The following CHD4 variants were observed in gnomAD, a reference collection of about 807,000 sequenced individuals.
The protein encoded by CHD4 is chromodomain helicase DNA binding protein 4.
Under a neutral mutation model 235.5 loss-of-function variants are expected in CHD4, and 35 were observed. The observed-to-expected ratio is 0.15, with a 90% CI of 0.11 to 0.20. CHD4 has a LOEUF of 0.20. CHD4 is among the 10% of genes least tolerant of loss of function. The pLI is 1.00. For synonymous variants in CHD4, 900 were observed against 850.2 expected, an observed-to-expected ratio of 1.06 and a Z score of -1.02; for missense variants, 1,329 against 2,432.3, an observed-to-expected ratio of 0.55 and a Z score of 9.54.
intron 12 of CHD4, 137 bp downstream of exon 12, chr12:6,597,755 ACT>A (rs774529722): frequency 1.2e-4 from 86 of 743,474 alleles, no homozygotes; most frequent in South Asian, 1.9e-4. Flanking sequence ...ACAGAGTGAG[ACT>A]CTGTCTCAAA....
Position 6,606,400 on chromosome 12 carries a change from G to A in CHD4, c.-27C>T, listed in dbSNP as rs71584860. 4,808 of 1,526,224 alleles carry A rather than the reference G, an allele frequency of 3.2e-3. 33 individuals are homozygous for A. Among genetic ancestry groups the A allele is most frequent in the Middle Eastern group, 0.031 (176 of 5,620 alleles). The allele number at this position is 1,526,224 out of a possible 1,614,324, so 94.5% of individuals were successfully genotyped here. ...CCCTTCCGCTCCCGGCCAGGGAATT[G>A]GCCCAGCTGCTCCTGCCGGCGGCCT... On this transcript the variant is annotated 5_prime_UTR_variant, in exon 2 of 40. Transcript: ENST00000544040.
intron 33 of CHD4, chr12:6,580,704 G>GAAGAAAAAAAAAAAA (rs1948166345): frequency 2.3e-5 from 1 of 43,314 alleles, no homozygotes; most frequent in Admixed American, 2.7e-4. Flanking sequence ...AAACTCCTTT[G>GAAGAAAAAAAAAAAA]AAAAAAAAAA....
intron 37 of CHD4, among the ~76,000 whole-genome samples, chr12:6,577,417 C>CAAAA (rs60910415): frequency 4.0e-4 from 35 of 87,138 alleles, no homozygotes; most frequent in East Asian, 1.2e-3. Flanking sequence ...GATTCTGCCT[C>CAAAA]AAAAAAAAAA....
intron 38 of CHD4, among the ~76,000 whole-genome samples, chr12:6,572,427 G>GAAAA (rs553252360): frequency 1.0e-5 from 1 of 97,614 alleles, no homozygotes; most frequent in Non-Finnish European, 2.1e-5. Context: ...CTCTATCTCA[G>GAAAA]AAAAAAAAAA....
Position 6,600,217 on chromosome 12 carries a change from G to A in CHD4, c.1242C>T (p.Cys414=), listed in dbSNP as rs761570351. ...APEGKWSCPH[C]EKEGIQWEAK... ...GGGGCCACAATGGCCAGACACTCAC[G>A]CAGTGTGGGCAGCTCCACTTGCCCT... The change falls in exon 9 of 40, where the codon TGC becomes TGT. Residue 414 remains cysteine (C), a splice_region_variant and synonymous_variant. Transcript: ENST00000544040. The A allele has an allele frequency of 9.3e-6, 15 of 1,613,868 alleles. No individual in the cohort carries two copies. The highest frequency in any genetic ancestry group is 8.9e-5 in the East Asian group (4 of 44,868).
chr12:6,600,054 G>A (rs1405173772), intron 9 of CHD4, 42 bp from the exon 10 acceptor site: 18 of 754,030 alleles, frequency 2.4e-5, no homozygotes, highest in East Asian at 5.1e-5. Context: ...ACCCCCACCC[G>A]CCCACCGCAG....
chr12:6,582,893 A>T lies in CHD4; in HGVS notation c.4191T>A (p.Asp1397Glu). The T allele has an allele frequency of 1.9e-6, 3 of 1,614,066 alleles. No homozygotes were observed. The highest frequency in any genetic ancestry group is 2.5e-6 in the Non-Finnish European group (3 of 1,180,038). The change falls in exon 28 of 40, where the codon GAT becomes GAA. Residue 1397 changes from aspartate to glutamate, a missense_variant. Physicochemically the swap from Asp to Glu is conservative, Grantham distance 45 (BLOSUM62 2). This residue lies in a region of CHD4 where 46 missense variants were observed against 85.6 expected (regional missense o/e 0.54). Transcript: ENST00000544040. ...PSRKGLRNDK[D>E]KPLPPLLARV... ...GGGCCAACAGAGGAGGCAATGGCTT[A>T]TCTTTATCATTCCGCAGGCCCTTAC...
intron 37 of CHD4, among the ~76,000 whole-genome samples, chr12:6,574,282 T>C (rs1948031323): frequency 6.6e-6 from 1 of 152,146 alleles, no homozygotes; most frequent in Admixed American, 6.6e-5. Context: ...GCACATGAAT[T>C]TTGTTGCTTC....
chr12:6,602,197 A>G lies in CHD4; in HGVS notation c.223-22T>C, dbSNP rs748666271. On this transcript the variant is annotated intron_variant, in intron 3 of 39. Coordinates refer to ENST00000544040, the MANE Select transcript of CHD4 (RefSeq NM_001273.5). ...TACGCTGGAGCAGGGCAAGGGGGGA[A>G]GAGGGAGACAGACACACACATGCTA... 3 of 1,612,316 alleles carry G rather than the reference A, an allele frequency of 1.9e-6. No individual in the cohort carries two copies. In the East Asian group the frequency reaches 6.7e-5, roughly 36 times the overall value.
Position 6,582,237 on chromosome 12 carries a change from G to T in CHD4, c.4415C>A (p.Ala1472Glu). 6.2e-7 allele frequency: 1 copy of T among 1,600,310 alleles called. No individual in the cohort carries two copies. The highest frequency in any genetic ancestry group is 2.3e-5 in the East Asian group (1 of 44,444). Residue 1472 changes from alanine (A) to glutamate (E), a missense_variant, in exon 30 of 40, where the codon GCA becomes GAA. Ala to Glu is a moderately radical substitution (Grantham distance 107). Transcript: ENST00000544040. ...ATCAGCAAAGGTCTCAGCCCCATCT[G>T]CCCCCGGCTCACATAAATGCCGCAT... ...LFMRHLCEPG[A>E]DGAETFADGV...
chr12:6,583,437 C>T, intron 25 of CHD4, 59 bp from the exon 26 acceptor site: 1 of 1,456,126 alleles, frequency 6.9e-7, no homozygotes, highest in Non-Finnish European at 9.4e-7. Flanking sequence ...CCAGCTACCC[C>T]TGGTCCTCAC....
At chr12:6,601,823 G>C in intron 4 of CHD4, 57 bp from the exon 5 acceptor site, 2 of 1,570,374 alleles carry the variant, frequency 1.3e-6, no homozygotes, top group Non-Finnish European at 1.8e-6. Context: ...CACTTGCTAA[G>C]CAAATTTGTG....
Position 6,601,379 on chromosome 12 carries a change from C to A in CHD4, c.709G>T (p.Val237Leu). 6.2e-7 allele frequency: 1 copy of A among 1,614,202 alleles called. No individual in the cohort carries two copies. The highest frequency in any genetic ancestry group is 8.5e-7 in the Non-Finnish European group (1 of 1,180,042). Residue 237 changes from valine (V) to leucine (L), a missense_variant, in exon 6 of 40, where the codon GTG becomes TTG. By Grantham distance (32) the Val-to-Leu change is conservative (BLOSUM62 1). Transcript: ENST00000544040. ...TCAGTGGCTGTCACCATGCTCTCCA[C>A]CACAGCTACCGCTGCTGCTGCCGCA... ...AAAAAAAVAV[V>L]ESMVTATEVA...
At chr12:6,595,922 C>T (rs1948485658) in intron 13 of CHD4, 84 bp downstream of exon 13, 2 of 1,455,090 alleles carry the variant, frequency 1.4e-6, no homozygotes, top group South Asian at 2.7e-5. Context: ...CACGCCACTG[C>T]ACTACAGCTT....
rs149561722 is a variant in CHD4 at position 6,602,163 on chromosome 12, A to C, written c.235T>G (p.Cys79Gly). Residue 79 changes from cysteine to glycine, a missense_variant, in exon 4 of 40, where the codon TGC becomes GGC. Around this residue, in one of 26 missense-constraint regions of CHD4, gnomAD observed 213 missense variants for 177.5 expected, o/e 1.20. Coordinates refer to ENST00000544040, the MANE Select transcript of CHD4 (RefSeq NM_001273.5). ...CCAGAGCTGTCCCCCAGCTGCCGGCATAAGAGCATACGCTGGAGCAGGGCA... is the reference window on the plus strand; with the variant it reads ...CCAGAGCTGTCCCCCAGCTGCCGGCCTAAGAGCATACGCTGGAGCAGGGCA... ...KRQKKERMLLCRQLGDSSGEG... is the reference protein window; with the variant it reads ...KRQKKERMLLGRQLGDSSGEG... 5 of 1,613,800 alleles carry C rather than the reference A, an allele frequency of 3.1e-6. No individual in the cohort carries two copies. Among genetic ancestry groups the C allele is most frequent in the Non-Finnish European group, 4.2e-6 (5 of 1,179,970 alleles).
At chr12:6,602,847 G>A (rs577792234) in intron 2 of CHD4, 1 of 191,818 alleles carries the variant, frequency 5.2e-6, no homozygotes, top group South Asian at 1.2e-4. Flanking sequence ...TAGGCCTCCT[G>A]TAACTGGCCA....
Position 6,581,324 on chromosome 12 carries a change from C to G in CHD4, c.4746G>C (p.Glu1582Asp). Residue 1582 changes from glutamate (E) to aspartate (D), a missense_variant, in exon 32 of 40, where the codon GAG (glutamate) becomes GAC (aspartate). Coordinates refer to ENST00000544040, the MANE Select transcript of CHD4 (RefSeq NM_001273.5). The part of the protein sequence containing the change: ...KEEESIEGEK[E>D]VKSTAPETAI... ...CAGTCTCAGGGGCTGTAGATTTAAC[C>G]TCCTTTTCTCCTTCTATGCTCTCTT... 1 of 1,614,170 alleles carries G rather than the reference C, an allele frequency of 6.2e-7. No homozygotes were observed. Among genetic ancestry groups the G allele is most frequent in the Non-Finnish European group, 8.5e-7 (1 of 1,180,030 alleles).
intron 7 of CHD4, 125 bp from the exon 8 acceptor site, chr12:6,600,794 T>C: frequency 6.6e-7 from 1 of 1,504,898 alleles, no homozygotes; most frequent in Non-Finnish European, 9.0e-7. Context: ...ACAGGGAGCC[T>C]AGTCTCATCT....
rs938695963 is a variant in CHD4 at position 6,602,497 on chromosome 12, T to C, written c.101A>G (p.Glu34Gly). Residue 34 changes from glutamate (E) to glycine (G), a missense_variant and splice_region_variant, in exon 3 of 40, where the codon GAA becomes GGA. Glu to Gly is a moderately conservative substitution (Grantham distance 98, BLOSUM62 -2). Around this residue, in one of 26 missense-constraint regions of CHD4, gnomAD observed 213 missense variants for 177.5 expected, o/e 1.20. Transcript: ENST00000544040. ...LNNSLPPPHP[E>G]NEEDPEEDLS... is the part of the protein sequence containing the mutation. ...ATCCTCTTCTGGGTCCTCTTCATTT[T>C]CTACATATATTTGGCAAAGAGTGGT... 1 of 1,611,154 alleles carries C rather than the reference T, an allele frequency of 6.2e-7. No individual in the cohort carries two copies. The highest frequency in any genetic ancestry group is 1.7e-5 in the Admixed American group (1 of 59,208).
Sources: gnomAD v4.1 joint callset for allele counts (sites outside exome capture counted in the v4.1 genomes callset) on GRCh38, gnomAD v4.1.1 for gene constraint, gnomAD v4.1.1 regional missense constraint, MANE v1.5 for transcripts, NCBI Gene and HGNC (gene_info 2026-07-23, HGNC 2026-07-21) for gene names.